LRRFIP2: variants seen among roughly 807,000 people sequenced by gnomAD.
LRRFIP2 encodes the protein LRR binding FLII interacting protein 2.
Under a neutral mutation model 125.9 loss-of-function variants are expected in LRRFIP2, and 109 were observed. That is an observed-to-expected ratio of 0.87 (90% CI 0.74 to 1.01). The LOEUF (loss-of-function observed/expected upper bound fraction) is 1.01. Among genes scored for constraint, LRRFIP2 ranks in the 50% least tolerant of loss-of-function variants. LRRFIP2 has a pLI of 0.00. For synonymous variants in LRRFIP2, 291 were observed against 293.1 expected, an observed-to-expected ratio of 0.99 and a Z score of 0.07; for missense variants, 850 against 862.3, an observed-to-expected ratio of 0.99 and a Z score of 0.18.
intron 2 of LRRFIP2, among the ~76,000 whole-genome samples, chr3:37,138,891 T>C (rs2095623997): frequency 6.6e-6 from 1 of 152,250 alleles, no homozygotes; most frequent in Non-Finnish European, 1.5e-5. Context: ...AGAAAGAATT[T>C]TATGGCTTCT....
At chr3:37,151,498 G>A (rs2096022355) in intron 1 of LRRFIP2, among the ~76,000 whole-genome samples, 1 of 152,018 alleles carries the variant, frequency 6.6e-6, no homozygotes, top group Admixed American at 6.5e-5. Flanking sequence ...TAATTTTAAA[G>A]ATTATTCACT....
chr3:37,145,237 C>G (rs190733872), intron 2 of LRRFIP2, among the ~76,000 whole-genome samples: 1 of 152,276 alleles, frequency 6.6e-6, no homozygotes, highest in African/African-American at 2.4e-5. Flanking sequence ...TTTAACTCAT[C>G]TTTTTCTGAT....
chr3:37,175,291 C>T (rs2096643690), upstream of LRRFIP2: 1 of 152,124 alleles, frequency 6.6e-6, no homozygotes, highest in African/African-American at 2.4e-5. Context: ...TACAATTTTT[C>T]TGTTTATAGT....
chr3:37,117,059 T>G (rs2094822703), intron 6 of LRRFIP2, among the ~76,000 whole-genome samples: 1 of 151,736 alleles, frequency 6.6e-6, no homozygotes, highest in East Asian at 1.9e-4. Context: ...GGAGAGACAC[T>G]TCCCCAAAAA....
At chr3:37,081,487 G>A (rs989225811) in intron 19 of LRRFIP2, among the ~76,000 whole-genome samples, 4 of 152,184 alleles carry the variant, frequency 2.6e-5, no homozygotes, top group African/African-American at 7.2e-5. Flanking sequence ...AAGAGAGCTC[G>A]GAGTAAAGGT....
Position 37,094,858 on chromosome 3 carries a change from T to C in LRRFIP2, c.969A>G (p.Ser323=), listed in dbSNP as rs538474971. The C allele has an allele frequency of 2.5e-6, 4 of 1,613,988 alleles. No homozygotes were observed. The South Asian group carries it at 3.3e-5, about 13-fold the overall frequency. Residue 323 remains serine, a synonymous_variant, in exon 17 of 28, where the codon TCA becomes TCG. Coordinates refer to ENST00000336686, the MANE Select transcript of LRRFIP2 (RefSeq NM_006309.4). ...TGGTGTCCCCACTTCCTCGTCTGGA[T>C]GAGTTTCCACTTAGAGGGGTTGTTG... ...ASATTPLSGN[S]SRRGSGDTSS...
intron 2 of LRRFIP2, among the ~76,000 whole-genome samples, chr3:37,132,132 TAG>T (rs1459435628): frequency 6.6e-6 from 1 of 152,126 alleles, no homozygotes; most frequent in Non-Finnish European, 1.5e-5. Flanking sequence ...AGTTTCTTAT[TAG>T]AGTTTTTTTT....
chr3:37,065,719 G>T, intron 23 of LRRFIP2, 91 bp downstream of exon 23: 1 of 1,509,074 alleles, frequency 6.6e-7, no homozygotes, highest in Non-Finnish European at 9.2e-7. Context: ...CAGCCCTTAT[G>T]CTGTTTTTGT....
intron 6 of LRRFIP2, among the ~76,000 whole-genome samples, chr3:37,119,501 G>GTT (rs2094933950): frequency 6.6e-6 from 1 of 151,764 alleles, no homozygotes; most frequent in Non-Finnish European, 1.5e-5. Flanking sequence ...ATAAATAACC[G>GTT]GCTTAATAAC....
chr3:37,134,975 A>G lies in LRRFIP2; in HGVS notation c.91-5826T>C, dbSNP rs528624694. 7.9e-6 allele frequency: 12 copies of G among 1,513,634 alleles called. No homozygotes were observed. The East Asian group carries it at 2.5e-4, about 31-fold the overall frequency. 93.8% of individuals were successfully genotyped at this position (1,513,634 alleles called of 1,614,324 possible). ...AACTATTTCTAAAGTTCTTTTATCC[A>G]TTTGTTCACTGCTATGTGATCCAAA... On this transcript the variant is annotated intron_variant, in intron 2 of 27. Coordinates refer to ENST00000336686, the MANE Select transcript of LRRFIP2 (RefSeq NM_006309.4).
At chr3:37,129,333 G>A (rs2095367066) in intron 2 of LRRFIP2, among the ~76,000 whole-genome samples, 184 bp from the exon 3 acceptor site, 2 of 152,120 alleles carry the variant, frequency 1.3e-5, no homozygotes, top group African/African-American at 4.8e-5. Flanking sequence ...TCTTTCTCTA[G>A]TTCCTAAGTC....
At chr3:37,066,441 C>G (rs112664949) in intron 21 of LRRFIP2, 116 bp from the exon 22 acceptor site, 1 of 796,970 alleles carries the variant, frequency 1.3e-6, no homozygotes. Context: ...AGCAAGAAAG[C>G]AGTCAAAAGA....
At chr3:37,125,834 C>G (rs1437871193) in intron 4 of LRRFIP2, among the ~76,000 whole-genome samples, 1 of 152,118 alleles carries the variant, frequency 6.6e-6, no homozygotes, top group African/African-American at 2.4e-5. Context: ...AAACATTAGC[C>G]ATTTATATTT....
At chr3:37,067,720 T>C (rs2148814915) in intron 21 of LRRFIP2, 1 of 152,364 alleles carries the variant, frequency 6.6e-6, no homozygotes, top group East Asian at 1.9e-4. Context: ...ATACATTATT[T>C]TACATTTGAA....
chr3:37,097,551 T>C (rs1178209159), intron 15 of LRRFIP2, among the ~76,000 whole-genome samples: 1 of 152,208 alleles, frequency 6.6e-6, no homozygotes, highest in Admixed American at 6.5e-5. Flanking sequence ...CAAAATTTGT[T>C]GGATGAATGA....
intron 9 of LRRFIP2, 119 bp from the exon 10 acceptor site, chr3:37,109,822 C>A: frequency 1.3e-6 from 1 of 798,634 alleles, no homozygotes; most frequent in East Asian, 2.6e-5. Flanking sequence ...ATTAGCAATT[C>A]CTGAGTGCTT....
chr3:37,100,944 CA>C (rs1378740019), intron 15 of LRRFIP2, among the ~76,000 whole-genome samples: 1 of 152,116 alleles, frequency 6.6e-6, no homozygotes, highest in Non-Finnish European at 1.5e-5. Flanking sequence ...GCTTAAGAAC[CA>C]CACATAAAAT....
chr3:37,078,837 C>T (rs1247958142), intron 19 of LRRFIP2, among the ~76,000 whole-genome samples: 6 of 152,102 alleles, frequency 3.9e-5, no homozygotes, highest in Non-Finnish European at 4.4e-5. Context: ...CAATTAGACT[C>T]ACCAGAAGTA....
chr3:37,143,319 C>T (rs181636234), intron 2 of LRRFIP2, among the ~76,000 whole-genome samples: 55 of 152,330 alleles, frequency 3.6e-4, no homozygotes, highest in African/African-American at 9.6e-4. Context: ...CCATCTACAA[C>T]GGGCAGTCAT....
Sources: gnomAD v4.1 joint callset for allele counts (sites outside exome capture counted in the v4.1 genomes callset) on GRCh38, gnomAD v4.1.1 for gene constraint, MANE v1.5 for transcripts, NCBI Gene and HGNC (gene_info 2026-07-23, HGNC 2026-07-21) for gene names.